MACROD2: variants seen among roughly 807,000 people sequenced by gnomAD.
MACROD2 encodes ADP-ribose glycohydrolase MACROD2.
MACROD2 carries 36 observed loss-of-function variants against 70.4 expected under a neutral mutation model. The ratio of observed to expected loss-of-function variants is 0.51; its 90% CI spans 0.39 to 0.68. The LOEUF (loss-of-function observed/expected upper bound fraction) is 0.68. Ranked by LOEUF, MACROD2 falls within the 30% of genes least tolerant of loss-of-function variation. The probability of loss-of-function intolerance (pLI) is 0.00; values close to 1 mark genes in which losing one functional copy is unlikely to be tolerated. For missense variants in MACROD2, 496 were observed against 538.4 expected (o/e 0.92, Z 0.78); for synonymous variants, 172 against 178.8 (o/e 0.96, Z 0.30).
chr20:14,667,277 A>G (rs1337456928), intron 4 of MACROD2, among the ~76,000 whole-genome samples: 1 of 152,094 alleles, frequency 6.6e-6, no homozygotes, highest in Non-Finnish European at 1.5e-5. Flanking sequence ...GCACTCCTGT[A>G]TAAATCTTGA....
At chr20:14,055,402 G>A (rs1304888538) in intron 2 of MACROD2, among the ~76,000 whole-genome samples, 1 of 149,850 alleles carries the variant, frequency 6.7e-6, no homozygotes, top group East Asian at 2.0e-4. Context: ...TGACTCTACT[G>A]ATCCTTTGCC....
chr20:14,710,184 C>T (rs963326876), intron 5 of MACROD2, among the ~76,000 whole-genome samples: 6 of 152,042 alleles, frequency 3.9e-5, no homozygotes, highest in Non-Finnish European at 5.9e-5. Context: ...AAGGAGACCT[C>T]GAGTGGCCAA....
chr20:14,691,368 T>G (rs1052999976), intron 5 of MACROD2, among the ~76,000 whole-genome samples: 10 of 152,220 alleles, frequency 6.6e-5, no homozygotes, highest in African/African-American at 2.2e-4. Flanking sequence ...TTGCTTCTGT[T>G]GCCTCAAGAG....
chr20:15,581,075 G>T (rs1257748444), intron 8 of MACROD2, among the ~76,000 whole-genome samples: 1 of 152,152 alleles, frequency 6.6e-6, no homozygotes, highest in Non-Finnish European at 1.5e-5. Context: ...TGGACTTTAG[G>T]CAGATAAAGG....
intron 5 of MACROD2, among the ~76,000 whole-genome samples, chr20:15,044,136 G>A (rs1248355906): frequency 6.6e-6 from 1 of 152,170 alleles, no homozygotes; most frequent in Admixed American, 6.5e-5. Flanking sequence ...GCTGAAAGGT[G>A]CCAACCCTCT....
intron 9 of MACROD2, among the ~76,000 whole-genome samples, chr20:15,876,091 T>TTTTATATATA (rs1555789633): frequency 6.0e-5 from 2 of 33,122 alleles, no homozygotes; most frequent in South Asian, 2.8e-3. Flanking sequence ...TACATGTCTT[T>TTTTATATATA]TATATATATA....
intron 5 of MACROD2, among the ~76,000 whole-genome samples, chr20:15,192,828 C>G (rs948671932): frequency 8.5e-5 from 13 of 152,200 alleles, no homozygotes; most frequent in African/African-American, 3.1e-4. Flanking sequence ...TTGTGGCCAT[C>G]TGGGAGAAAA....
chr20:14,706,913 A>G (rs756868931), intron 5 of MACROD2, among the ~76,000 whole-genome samples: 42 of 152,174 alleles, frequency 2.8e-4, no homozygotes, highest in Non-Finnish European at 6.0e-4. Flanking sequence ...AAATAAATAA[A>G]TAATATCCTA....
At chr20:14,220,326 C>T (rs1397439549) in intron 3 of MACROD2, among the ~76,000 whole-genome samples, 1 of 152,052 alleles carries the variant, frequency 6.6e-6, no homozygotes, top group African/African-American at 2.4e-5. Context: ...AGGGGGCAGT[C>T]ACAGGCCTCA....
rs113251383 is a variant in MACROD2 at position 15,327,495 on chromosome 20, C to T, written c.540+97434C>T. ...ATCATGGCAGAAGGGGAAGCAAACA[C>T]GTCCTTCTTCATATGGTGGCAGCAA... On this transcript the variant is annotated intron_variant, in intron 6 of 17. Transcript: ENST00000684519. Among the ~76,000 whole-genome samples the T allele has an allele frequency of 5.6e-3, 859 of 152,198 alleles. 5 individuals carry two copies. Among genetic ancestry groups the T allele is most frequent in the African/African-American group, 0.02 (810 of 41,534 alleles).
At chr20:15,585,423 C>G (rs1600632193) in intron 8 of MACROD2, among the ~76,000 whole-genome samples, 1 of 152,158 alleles carries the variant, frequency 6.6e-6, no homozygotes, top group Middle Eastern at 3.4e-3. Context: ...GTCTCGAGCT[C>G]CTGACCTCGT....
At chr20:15,247,631 G>A (rs986856542) in intron 6 of MACROD2, among the ~76,000 whole-genome samples, 6 of 152,202 alleles carry the variant, frequency 3.9e-5, no homozygotes, top group African/African-American at 1.4e-4. Context: ...GCTTCGTGTG[G>A]TTCATCTCCA....
intron 6 of MACROD2, among the ~76,000 whole-genome samples, chr20:15,288,327 C>T (rs948133463): frequency 3.3e-5 from 5 of 152,164 alleles, no homozygotes; most frequent in South Asian, 2.1e-4. Context: ...GTGAGCAGAA[C>T]GGCAGTTCCA....
chr20:15,933,684 T>C (rs976073344), intron 11 of MACROD2, among the ~76,000 whole-genome samples: 4 of 152,044 alleles, frequency 2.6e-5, no homozygotes, highest in Non-Finnish European at 5.9e-5. Context: ...AGGGAAAAAA[T>C]GAAATAAAAA....
intron 5 of MACROD2, among the ~76,000 whole-genome samples, chr20:15,221,043 T>C (rs558400913): frequency 1.3e-5 from 2 of 152,306 alleles, no homozygotes; most frequent in South Asian, 4.1e-4. Flanking sequence ...CATTGACCCA[T>C]CTGCACATTT....
intron 3 of MACROD2, among the ~76,000 whole-genome samples, chr20:14,339,173 G>T (rs2082986584): frequency 6.6e-6 from 1 of 152,162 alleles, no homozygotes; most frequent in Admixed American, 6.5e-5. Context: ...TTCCAAGAAT[G>T]GGTGATATCA....
chr20:15,911,718 C>A (rs1310058273), intron 10 of MACROD2, among the ~76,000 whole-genome samples: 1 of 152,202 alleles, frequency 6.6e-6, no homozygotes, highest in Non-Finnish European at 1.5e-5. Flanking sequence ...AGAGTGCCAC[C>A]TCTGTATGTT....
At chr20:15,902,223 A>G (rs2065074379) in intron 10 of MACROD2, among the ~76,000 whole-genome samples, 1 of 152,164 alleles carries the variant, frequency 6.6e-6, no homozygotes, top group Admixed American at 6.5e-5. Context: ...CTCATTCCAC[A>G]TACTTTTGTT....
At chr20:14,882,191 T>C (rs929271462) in intron 5 of MACROD2, among the ~76,000 whole-genome samples, 1 of 152,176 alleles carries the variant, frequency 6.6e-6, no homozygotes, top group African/African-American at 2.4e-5. Flanking sequence ...TGATGGACTT[T>C]CCAGAGCTTG....
Sources: allele counts gnomAD v4.1 joint callset (sites outside exome capture counted in the v4.1 genomes callset), GRCh38; gene constraint gnomAD v4.1.1; transcripts MANE v1.5; gene names NCBI Gene and HGNC (gene_info 2026-07-23, HGNC 2026-07-21).